The following NPAS3 variants were observed in gnomAD, a reference collection of about 807,000 sequenced individuals.
NPAS3 encodes the protein neuronal PAS domain-containing protein 3.
A neutral mutation model predicts 73.1 loss-of-function variants in NPAS3; 14 were observed. The ratio of observed to expected loss-of-function variants is 0.19; its 90% confidence interval spans 0.13 to 0.30. NPAS3 has a LOEUF of 0.30. NPAS3 is among the 10% of genes least tolerant of loss of function. The pLI is 1.00. For synonymous variants in NPAS3, 620 were observed against 541.5 expected (o/e 1.14, Z -2.01); for missense variants, 1,096 against 1,250.0 (o/e 0.88, Z 1.86).
intron 5 of NPAS3, 72 bp downstream of exon 5, chr14:33,560,282 A>G: frequency 1.3e-6 from 1 of 745,948 alleles, no homozygotes; most frequent in South Asian, 1.6e-5. Flanking sequence ...TTCCTTCTTC[A>G]AGGAATATTC....
intron 5 of NPAS3, among the ~76,000 whole-genome samples, chr14:33,655,331 CTTTTTT>C (rs3059406): frequency 4.7e-5 from 5 of 105,892 alleles, no homozygotes; most frequent in Admixed American, 9.7e-5. Flanking sequence ...ACCTTTGGCT[CTTTTTT>C]TTTTTTTTTT....
intron 4 of NPAS3, among the ~76,000 whole-genome samples, chr14:33,485,701 C>T (rs1379424382): frequency 6.6e-6 from 1 of 152,132 alleles, no homozygotes; most frequent in African/African-American, 2.4e-5. Context: ...TATTTTGTCT[C>T]ACAAAAATGG....
intron 5 of NPAS3, among the ~76,000 whole-genome samples, chr14:33,674,837 T>G (rs2059713827): frequency 6.6e-6 from 1 of 152,242 alleles, no homozygotes; most frequent in African/African-American, 2.4e-5. Flanking sequence ...ATCTGCAGCC[T>G]GTTAAGATGT....
chr14:33,746,566 A>C (rs2140728033), intron 7 of NPAS3, among the ~76,000 whole-genome samples: 1 of 150,344 alleles, frequency 6.7e-6, no homozygotes, highest in South Asian at 2.1e-4. Context: ...TAACACTATT[A>C]TTCTAAATAA....
At chr14:33,673,729 T>C (rs2059676081) in intron 5 of NPAS3, among the ~76,000 whole-genome samples, 1 of 152,188 alleles carries the variant, frequency 6.6e-6, no homozygotes, top group Non-Finnish European at 1.5e-5. Context: ...GGAGCATCCA[T>C]GTGGAATACA....
chr14:32,947,485 A>T (rs2036308120), intron 1 of NPAS3, among the ~76,000 whole-genome samples: 1 of 152,152 alleles, frequency 6.6e-6, no homozygotes, highest in African/African-American at 2.4e-5. Flanking sequence ...ATCAGAATCC[A>T]CTTCTAAAAA....
At chr14:33,356,764 G>A (rs992639704) in intron 3 of NPAS3, among the ~76,000 whole-genome samples, 22 of 152,166 alleles carry the variant, frequency 1.4e-4, no homozygotes, top group Non-Finnish European at 1.5e-5. Flanking sequence ...TTTGAATATT[G>A]TCTTATGAAG....
chr14:33,390,573 A>C (rs904039790), intron 4 of NPAS3, among the ~76,000 whole-genome samples: 1 of 152,194 alleles, frequency 6.6e-6, no homozygotes, highest in African/African-American at 2.4e-5. Context: ...GCTTCTGTAG[A>C]GAGAGATGAG....
chr14:33,199,442 C>G (rs1039018985), intron 2 of NPAS3, among the ~76,000 whole-genome samples: 1 of 152,148 alleles, frequency 6.6e-6, no homozygotes, highest in Non-Finnish European at 1.5e-5. Context: ...TTCAGTGACT[C>G]GGCATTCTGA....
In NPAS3 at chr14:33,265,487, G is replaced by C. The variant is rs60870102; in HGVS notation, c.385+50061G>C. The stretch of plus-strand genomic sequence containing the variant: ...TAACCTTTTCTGTGATATTTGGTAA[G>C]AGCAATGCATTACATTTTTTTTTCA... On this transcript the variant is annotated intron_variant, in intron 3 of 11. Coordinates refer to ENST00000356141, the Ensembl canonical transcript of NPAS3. Among the ~76,000 whole-genome samples the C allele has an allele frequency of 9.3e-3, 1,122 of 120,382 alleles. 14 individuals are homozygous for C. Among genetic ancestry groups the C allele is most frequent in the African/African-American group, 0.031 (1,059 of 34,388 alleles). 79.0% of individuals were successfully genotyped at this position (120,382 alleles called of 152,430 possible).
At chr14:33,687,065 C>T (rs980574358) in intron 6 of NPAS3, among the ~76,000 whole-genome samples, 8 of 152,072 alleles carry the variant, frequency 5.3e-5, no homozygotes, top group African/African-American at 1.2e-4. Context: ...AAGGAAGAAA[C>T]GATGATTTGG....
chr14:32,984,082 G>A (rs17099801), intron 1 of NPAS3, among the ~76,000 whole-genome samples: 80,294 of 152,074 alleles, frequency 0.53, 24,536 homozygotes, highest in Non-Finnish European at 0.69. Context: ...ATTTAATACA[G>A]TGTGGTAAAG....
chr14:33,545,807 G>A (rs897551207), intron 4 of NPAS3, among the ~76,000 whole-genome samples: 1 of 152,198 alleles, frequency 6.6e-6, no homozygotes, highest in South Asian at 2.1e-4. Flanking sequence ...AGAGGGTGCG[G>A]TCAAGAGAGG....
intron 4 of NPAS3, among the ~76,000 whole-genome samples, chr14:33,501,637 T>G (rs923117710): frequency 1.3e-5 from 2 of 151,564 alleles, no homozygotes; most frequent in Admixed American, 6.6e-5. Context: ...TTTGTTTTTT[T>G]TTTTTTTACC....
intron 1 of NPAS3, among the ~76,000 whole-genome samples, chr14:33,032,159 C>T (rs1026893462): frequency 3.3e-5 from 5 of 152,100 alleles, no homozygotes; most frequent in Non-Finnish European, 5.9e-5. Context: ...GACCAGAATG[C>T]AAGATAAATG....
chr14:33,603,036 A>G (rs2057448890), intron 5 of NPAS3, among the ~76,000 whole-genome samples: 2 of 152,232 alleles, frequency 1.3e-5, no homozygotes, highest in African/African-American at 4.8e-5. Context: ...TATAGGCTAC[A>G]ATGAAGAGAT....
intron 3 of NPAS3, among the ~76,000 whole-genome samples, chr14:33,285,451 A>G (rs2041835598): frequency 6.6e-6 from 1 of 152,186 alleles, no homozygotes; most frequent in Non-Finnish European, 1.5e-5. Context: ...TCTTGGCTGT[A>G]TAAACTCAAT....
At chr14:33,726,487 T>A (rs565246642) in intron 6 of NPAS3, among the ~76,000 whole-genome samples, 10 of 152,294 alleles carry the variant, frequency 6.6e-5, no homozygotes, top group Admixed American at 3.9e-4. Flanking sequence ...AGCACGGAGA[T>A]GGGCGTGATT....
intron 1 of NPAS3, among the ~76,000 whole-genome samples, chr14:33,018,036 CA>C (rs34755412): frequency 6.7e-6 from 1 of 150,346 alleles, no homozygotes; most frequent in Admixed American, 6.6e-5. Context: ...AAACAGCAAA[CA>C]AAAAAAAAGA....
Sources: allele counts gnomAD v4.1 joint callset (sites outside exome capture counted in the v4.1 genomes callset), GRCh38; gene constraint gnomAD v4.1.1; transcripts MANE v1.5; gene names NCBI Gene and HGNC (gene_info 2026-07-23, HGNC 2026-07-21).